Variants in ERC1 observed in about 807,000 individuals in gnomAD.
The protein encoded by ERC1 is RAB6 interacting protein 2.
Under a neutral mutation model 132.0 loss-of-function variants are expected in ERC1, and 56 were observed. That is an observed-to-expected ratio of 0.42 (90% CI 0.34 to 0.53). The LOEUF is 0.53. Among genes scored for constraint, ERC1 ranks in the 20% least tolerant of loss-of-function variants. The probability of loss-of-function intolerance (pLI) is 0.03; values close to 1 mark genes in which losing one functional copy is unlikely to be tolerated. For synonymous variants in ERC1, 478 were observed against 476.1 expected, an observed-to-expected ratio of 1.00 and a Z score of -0.05; for missense variants, 1,202 against 1,349.9, an observed-to-expected ratio of 0.89 and a Z score of 1.72.
At chr12:1,380,617 A>G (rs11061735) in intron 16 of ERC1, 3 of 151,850 alleles carry the variant, frequency 2.0e-5, no homozygotes, top group Non-Finnish European at 4.4e-5. Context: ...TACGCTCACA[A>G]CAGTCTTAGA....
intron 2 of ERC1, among the ~76,000 whole-genome samples, chr12:1,039,423 G>C (rs976046176): frequency 1.4e-4 from 21 of 151,830 alleles, no homozygotes; most frequent in South Asian, 8.3e-4. Context: ...CCAGCTACTT[G>C]GGAGGCTAGG....
intron 17 of ERC1, among the ~76,000 whole-genome samples, chr12:1,423,469 T>A (rs2092502872): frequency 6.6e-6 from 1 of 152,242 alleles, no homozygotes; most frequent in African/African-American, 2.4e-5. Flanking sequence ...TTTTACATTT[T>A]TGAGACTGTT....
At chr12:1,006,997 A>G (rs557221580) in intron 1 of ERC1, among the ~76,000 whole-genome samples, 14 of 150,982 alleles carry the variant, frequency 9.3e-5, no homozygotes, top group Non-Finnish European at 1.9e-4. Flanking sequence ...TAGTGTATAT[A>G]TAGTATAGTG....
chr12:1,139,917 A>C (rs1323669191), intron 7 of ERC1, among the ~76,000 whole-genome samples: 5 of 152,192 alleles, frequency 3.3e-5, no homozygotes, highest in African/African-American at 1.2e-4. Flanking sequence ...TTAGAGTTTG[A>C]AAGTTCTCAG....
At chr12:1,128,332 T>C (rs1187198591) in intron 7 of ERC1, among the ~76,000 whole-genome samples, 1 of 152,172 alleles carries the variant, frequency 6.6e-6, no homozygotes, top group African/African-American at 2.4e-5. Flanking sequence ...TATGACTTGT[T>C]AGGATGTTGT....
intron 18 of ERC1, among the ~76,000 whole-genome samples, chr12:1,449,639 G>T (rs910618485): frequency 2.0e-5 from 3 of 151,876 alleles, no homozygotes; most frequent in African/African-American, 4.8e-5. Flanking sequence ...ACCCAGTCTC[G>T]GGTATTTCTT....
At chr12:1,179,118 A>G (rs567228565) in intron 8 of ERC1, among the ~76,000 whole-genome samples, 2 of 152,306 alleles carry the variant, frequency 1.3e-5, no homozygotes, top group African/African-American at 2.4e-5. Context: ...TTGAGTGATA[A>G]CATGCCGCTT....
chr12:1,334,552 A>C (rs888502554), intron 15 of ERC1, among the ~76,000 whole-genome samples: 2 of 152,094 alleles, frequency 1.3e-5, no homozygotes, highest in African/African-American at 2.4e-5. Flanking sequence ...CTAGATGTGC[A>C]ACCTTATTTT....
At chr12:1,390,815 G>A (rs1566749202) in intron 16 of ERC1, 1 of 152,110 alleles carries the variant, frequency 6.6e-6, no homozygotes, top group Admixed American at 6.5e-5. Flanking sequence ...GTCTGATTAA[G>A]TTGAGGTCAC....
intron 1 of ERC1, among the ~76,000 whole-genome samples, chr12:1,006,062 A>T (rs534604364): frequency 2.0e-5 from 3 of 151,752 alleles, no homozygotes; most frequent in Admixed American, 6.6e-5. Context: ...GGTTCAAGCA[A>T]TTCTCTGCCT....
intron 16 of ERC1, among the ~76,000 whole-genome samples, chr12:1,396,515 A>G (rs1404146152): frequency 6.6e-6 from 1 of 152,250 alleles, no homozygotes; most frequent in Admixed American, 6.5e-5. Flanking sequence ...ACTCAAATCT[A>G]TTGGAAGAAA....
chr12:1,109,274 A>C (rs879812142), intron 4 of ERC1, among the ~76,000 whole-genome samples: 8 of 152,234 alleles, frequency 5.3e-5, no homozygotes, highest in Non-Finnish European at 7.3e-5. Context: ...TTATAAGGAC[A>C]GTGATTTTTA....
intron 1 of ERC1, among the ~76,000 whole-genome samples, chr12:993,300 A>G (rs1033533414): frequency 3.3e-5 from 5 of 152,208 alleles, no homozygotes; most frequent in Admixed American, 3.3e-4. Flanking sequence ...GTGAACTAAG[A>G]TACTGGGTAA....
In ERC1 at chr12:1,110,178, TC is replaced by T; in HGVS notation, c.1162-12del. On this transcript the variant is annotated splice_polypyrimidine_tract_variant and intron_variant, in intron 4 of 18. Coordinates refer to ENST00000360905, the MANE Select transcript of ERC1 (RefSeq NM_178040.4). ...TGTGAATACTTCAATCACTAAATCTTCCATTGTCTTCAGGATTCAAAAATTT... is the reference window on the plus strand; with the variant it reads ...TGTGAATACTTCAATCACTAAATCTTCATTGTCTTCAGGATTCAAAAATTT... 1 of 1,588,836 alleles carries T rather than the reference TC, an allele frequency of 6.3e-7. No individual in the cohort carries two copies.
At chr12:1,210,548 G>GGCT (rs1425806219) in intron 12 of ERC1, among the ~76,000 whole-genome samples, 1 of 152,174 alleles carries the variant, frequency 6.6e-6, no homozygotes, top group African/African-American at 2.4e-5. Flanking sequence ...AGTGTAATGG[G>GGCT]ATTCAGAAAC....
At chr12:1,009,506 G>A (rs1359257678) in intron 1 of ERC1, among the ~76,000 whole-genome samples, 1 of 152,152 alleles carries the variant, frequency 6.6e-6, no homozygotes, top group Non-Finnish European at 1.5e-5. Context: ...ATAGAGCTGT[G>A]TGATCTTGGG....
intron 16 of ERC1, among the ~76,000 whole-genome samples, chr12:1,405,779 C>T (rs1381492318): frequency 4.0e-5 from 6 of 149,580 alleles, no homozygotes; most frequent in East Asian, 4.0e-4. Context: ...GGCTGGTCAC[C>T]GTGGCTCACG....
At chr12:1,010,530 CAG>C (rs1335088446) in intron 1 of ERC1, among the ~76,000 whole-genome samples, 4 of 126,568 alleles carry the variant, frequency 3.2e-5, no homozygotes, top group African/African-American at 6.0e-5. Context: ...TTTTTTTTGA[CAG>C]AGAGTTTCAT....
rs376343036 is a variant in ERC1 at position 1,264,516 on chromosome 12, T to G, written c.2619+1351T>G. On this transcript the variant is annotated intron_variant, in intron 14 of 18. Coordinates refer to ENST00000360905, the MANE Select transcript of ERC1 (RefSeq NM_178040.4). ...CGTCTCTACTAAAAATACAAAAAATTAGCTGGGCGTGGTGGCGGGCGCCTG... is the reference window on the plus strand; with the variant it reads ...CGTCTCTACTAAAAATACAAAAAATGAGCTGGGCGTGGTGGCGGGCGCCTG... 8.5e-3 allele frequency among the ~76,000 whole-genome samples: 1,296 copies of G among 152,062 alleles called. 15 individuals are homozygous for G. The highest frequency in any genetic ancestry group is 0.03 in the African/African-American group (1,229 of 41,474).
Sources: gnomAD v4.1 joint callset for allele counts (sites outside exome capture counted in the v4.1 genomes callset) on GRCh38, gnomAD v4.1.1 for gene constraint, MANE v1.5 for transcripts, NCBI Gene and HGNC (gene_info 2026-07-23, HGNC 2026-07-21) for gene names.